The following EFHB variants were observed in gnomAD, a reference collection of about 807,000 sequenced individuals.
EFHB encodes EF-hand domain-containing family member B.
EFHB carries 91 observed loss-of-function variants against 87.2 expected under a neutral mutation model. The ratio of observed to expected loss-of-function variants is 1.04; its 90% confidence interval spans 0.88 to 1.24. EFHB has a LOEUF of 1.24. Among genes scored for constraint, EFHB ranks in the 50% most tolerant of loss-of-function variants. The probability of loss-of-function intolerance (pLI) is 0.00; values close to 1 mark genes in which losing one functional copy is unlikely to be tolerated. For missense variants in EFHB, 1,084 were observed against 998.8 expected (o/e 1.09, Z -1.15); for synonymous variants, 325 against 333.6 (o/e 0.97, Z 0.28).
At chr3:19,892,889 T>TAAAACAAAATAATAAG (rs79080019) in intron 9 of EFHB, among the ~76,000 whole-genome samples, 1 of 147,816 alleles carries the variant, frequency 6.8e-6, no homozygotes, top group Non-Finnish European at 1.5e-5. Flanking sequence ...AATAAAATAA[T>TAAAACAAAATAATAAG]ATAAAATCAG....
intron 11 of EFHB, among the ~76,000 whole-genome samples, chr3:19,883,453 C>T (rs2071731415): frequency 6.6e-6 from 1 of 152,096 alleles, no homozygotes. Context: ...ATATGTAAAT[C>T]CTCAATCATG....
chr3:19,919,672 T>A (rs1379490377), intron 3 of EFHB, among the ~76,000 whole-genome samples, 161 bp downstream of exon 3: 1 of 152,212 alleles, frequency 6.6e-6, no homozygotes, highest in African/African-American at 2.4e-5. Flanking sequence ...GGCTTTTTTT[T>A]ACTGCTCAAG....
chr3:19,940,424 C>G (rs1255093859), intron 1 of EFHB: 3 of 454,270 alleles, frequency 6.6e-6, no homozygotes, highest in African/African-American at 4.0e-5. Flanking sequence ...TCTTCCTTCT[C>G]AACAGCCTGA....
In EFHB at chr3:19,884,542, T is replaced by C; in HGVS notation, c.2007A>G (p.Pro669=). 2 of 1,614,022 alleles carry C rather than the reference T, an allele frequency of 1.2e-6. No homozygotes were observed. Among genetic ancestry groups the C allele is most frequent in the Non-Finnish European group, 1.7e-6 (2 of 1,179,890 alleles). The change falls in exon 11 of 13, where the codon CCA becomes CCG. Residue 669 remains proline (P), a synonymous_variant. Transcript: ENST00000295824. ...CTGCTTCTTTTAAGACAATATCTTC[T>C]GGCTTTATGAGGAGAGTTTGTTCAG... ...EEPEQTLLIK[P]EDIVLKEAGS...
chr3:19,928,984 T>TA (rs1171299635), intron 1 of EFHB, among the ~76,000 whole-genome samples: 1 of 151,642 alleles, frequency 6.6e-6, no homozygotes, highest in Non-Finnish European at 1.5e-5. Flanking sequence ...TAAAAAAAAA[T>TA]AAAAACAAAC....
At chr3:19,887,982 T>A (rs1461024798) in intron 10 of EFHB, among the ~76,000 whole-genome samples, 1 of 152,116 alleles carries the variant, frequency 6.6e-6, no homozygotes, top group Non-Finnish European at 1.5e-5. Flanking sequence ...AATACATGGT[T>A]CCAAACTCAA....
chr3:19,913,034 C>T (rs1168464458), intron 5 of EFHB, among the ~76,000 whole-genome samples: 1 of 152,188 alleles, frequency 6.6e-6, no homozygotes, highest in African/African-American at 2.4e-5. Flanking sequence ...AGCAATTCAA[C>T]ATTAGCAGTG....
intron 5 of EFHB, among the ~76,000 whole-genome samples, chr3:19,908,644 GAAAGAAAGAA>G (rs1206510559): frequency 5.4e-5 from 8 of 149,252 alleles, no homozygotes; most frequent in African/African-American, 1.7e-4. Flanking sequence ...AAGAAAGAAA[GAAAGAAAGAA>G]AAAGAAAGTT....
intron 10 of EFHB, among the ~76,000 whole-genome samples, chr3:19,885,582 C>T (rs192827734): frequency 1.1e-4 from 16 of 152,308 alleles, no homozygotes; most frequent in Admixed American, 3.9e-4. Flanking sequence ...CACTAGAGAG[C>T]GCTGTGGTGT....
chr3:19,884,991 G>A (rs781037476), intron 10 of EFHB, among the ~76,000 whole-genome samples: 2 of 151,674 alleles, frequency 1.3e-5, no homozygotes, highest in Non-Finnish European at 2.9e-5. Context: ...GGAGGCTGAG[G>A]TGGACAGATC....
rs565341441 is a variant in EFHB at position 19,879,514 on chromosome 3, A to G, written c.*117T>C. 9.1e-7 allele frequency: 1 copy of G among 1,104,818 alleles called. No individual in the cohort carries two copies. The highest frequency in any genetic ancestry group is 2.0e-5 in the South Asian group (1 of 49,048). The allele number at this position is 1,104,818 out of a possible 1,614,324, so 68.4% of individuals were successfully genotyped here. A position where few individuals can be genotyped will look rare whatever the true frequency, so the allele number is the denominator to read the frequency against. On this transcript the variant is annotated 3_prime_UTR_variant, in exon 13 of 13. Transcript: ENST00000295824. Reference sequence around the variant, plus strand: ...TAATTTATTAGCAACACATACAGGCATATGAGTCTTACCACTGTGAACTCT... The same window carrying G: ...TAATTTATTAGCAACACATACAGGCGTATGAGTCTTACCACTGTGAACTCT...
At chr3:19,910,880 C>T (rs1695040785) in intron 5 of EFHB, among the ~76,000 whole-genome samples, 1 of 152,234 alleles carries the variant, frequency 6.6e-6, no homozygotes, top group South Asian at 2.1e-4. Flanking sequence ...TTGCAAAAAC[C>T]AGTGTTACTG....
chr3:19,911,499 AG>A (rs1695061539), intron 5 of EFHB, among the ~76,000 whole-genome samples: 1 of 152,022 alleles, frequency 6.6e-6, no homozygotes, highest in Admixed American at 6.6e-5. Context: ...CAGAGGTTGC[AG>A]TGAGCCAAGA....
chr3:19,894,609 C>T (rs1694410799), intron 9 of EFHB: 1 of 152,148 alleles, frequency 6.6e-6, no homozygotes, highest in Non-Finnish European at 1.5e-5. Flanking sequence ...TACAGCTGTA[C>T]TAGACCCACA....
chr3:19,897,240 G>T (rs1005236366), intron 8 of EFHB, among the ~76,000 whole-genome samples: 2 of 152,176 alleles, frequency 1.3e-5, no homozygotes, highest in African/African-American at 2.4e-5. Context: ...CCTTGGAACT[G>T]ACTAAACTGG....
At chr3:19,896,964 G>A (rs1231584671) in intron 8 of EFHB, 123 bp from the exon 9 acceptor site, 9 of 827,870 alleles carry the variant, frequency 1.1e-5, no homozygotes, top group African/African-American at 1.0e-4. Context: ...ACTCTGACAT[G>A]ATTATGCAGC....
Position 19,919,973 on chromosome 3 carries a change from T to C in EFHB, c.856A>G (p.Ile286Val). 2 of 1,613,640 alleles carry C rather than the reference T, an allele frequency of 1.2e-6. No individual in the cohort carries two copies. The highest frequency in any genetic ancestry group is 2.2e-5 in the East Asian group (1 of 44,794). ...TACTTTTTTGCTTCAGGTGGAGTAA[T>C]TAGCTACAAAGAGTGAGGCAAGAAA... Reference protein sequence around the residue: ...TCLTEKLPRLITPPEAKKYFN... With the variant: ...TCLTEKLPRLVTPPEAKKYFN... Residue 286 changes from isoleucine to valine, a missense_variant, in exon 3 of 13, where the codon ATT (isoleucine) becomes GTT (valine). Transcript: ENST00000295824.
intron 3 of EFHB, among the ~76,000 whole-genome samples, 185 bp from the exon 4 acceptor site, chr3:19,918,597 C>T (rs1414610561): frequency 6.6e-6 from 1 of 152,044 alleles, no homozygotes; most frequent in Admixed American, 6.6e-5. Flanking sequence ...AACACGCCTA[C>T]AAGAACTTTC....
intron 1 of EFHB, among the ~76,000 whole-genome samples, chr3:19,925,767 G>A (rs1195529395): frequency 5.9e-5 from 9 of 152,116 alleles, no homozygotes; most frequent in Non-Finnish European, 1.2e-4. Flanking sequence ...ACCATTTTCA[G>A]CTGCTCAAGA....
Sources: allele counts gnomAD v4.1 joint callset (sites outside exome capture counted in the v4.1 genomes callset), GRCh38; gene constraint gnomAD v4.1.1; transcripts MANE v1.5; gene names NCBI Gene and HGNC (gene_info 2026-07-23, HGNC 2026-07-21).